Variants in TSNARE1 observed in about 807,000 individuals in gnomAD.
TSNARE1 encodes the protein t-SNARE domain-containing protein 1.
In TSNARE1, 49 loss-of-function variants were observed where a neutral mutation model predicts 62.0. That is an observed-to-expected ratio of 0.79 (90% CI 0.63 to 1.00). TSNARE1 has a LOEUF of 1.00. Among genes scored for constraint, TSNARE1 ranks in the 50% least tolerant of loss-of-function variants. The pLI, the probability that TSNARE1 is intolerant of heterozygous loss-of-function variation, is 0.00. For synonymous variants in TSNARE1, 328 were observed against 294.4 expected, an observed-to-expected ratio of 1.11 and a Z score of -1.17; for missense variants, 755 against 700.1, an observed-to-expected ratio of 1.08 and a Z score of -0.88.
rs28507643 is a variant in TSNARE1 at position 142,214,177 on chromosome 8, G to A, written c.*12-1864C>T. Among the ~76,000 whole-genome samples, 355 of 152,296 alleles carry A rather than the reference G, an allele frequency of 2.3e-3. 1 individual carries two copies. The highest frequency in any genetic ancestry group is 8.0e-3 in the African/African-American group (331 of 41,580). Reference sequence around the variant, plus strand: ...CAGGCGATGACGCTGGGTGCGGCCCGCCTGGCCCTGGGAACCCAGAAAGGA... The same window carrying A: ...CAGGCGATGACGCTGGGTGCGGCCCACCTGGCCCTGGGAACCCAGAAAGGA... On this transcript the variant is annotated intron_variant, in intron 13 of 13. Coordinates refer to ENST00000524325, the MANE Select transcript of TSNARE1 (RefSeq NM_145003.5).
intron 12 of TSNARE1, among the ~76,000 whole-genome samples, chr8:142,272,144 C>T (rs1819637009): frequency 7.9e-6 from 1 of 126,036 alleles, no homozygotes; most frequent in Non-Finnish European, 1.6e-5. Flanking sequence ...CCTCCTCTTC[C>T]TTCTATTCAT....
At chr8:142,399,482 T>A (rs1037571658) in intron 1 of TSNARE1, among the ~76,000 whole-genome samples, 2 of 152,160 alleles carry the variant, frequency 1.3e-5, no homozygotes, top group East Asian at 3.9e-4. Context: ...AATGATGATC[T>A]TCCCCAGCTG....
At chr8:142,269,783 G>A in intron 12 of TSNARE1, 1 of 985,428 alleles carries the variant, frequency 1.0e-6, no homozygotes, top group African/African-American at 1.7e-5. Context: ...AGAACCAACA[G>A]CAGCACCATG....
intron 1 of TSNARE1, among the ~76,000 whole-genome samples, chr8:142,401,724 C>G (rs1274176448): frequency 6.6e-6 from 1 of 152,120 alleles, no homozygotes; most frequent in Non-Finnish European, 1.5e-5. Context: ...GGTGACCCAG[C>G]CAAAACTCAA....
Position 142,280,737 on chromosome 8 carries a change from G to A in TSNARE1, c.1363+3676C>T, listed in dbSNP as rs548910403. Among the ~76,000 whole-genome samples, 8 of 152,290 alleles carry A rather than the reference G, an allele frequency of 5.3e-5. No homozygotes were observed. The South Asian group carries it at 1.2e-3, about 24-fold the overall frequency. On this transcript the variant is annotated intron_variant, in intron 11 of 13. Coordinates refer to ENST00000524325, the MANE Select transcript of TSNARE1 (RefSeq NM_145003.5). Reference sequence around the variant, plus strand: ...ACAGACTCAGCACATCCCAGCCCGCGACAGGTGGCCAGGGGCAGAAATGGC... The same window carrying A: ...ACAGACTCAGCACATCCCAGCCCGCAACAGGTGGCCAGGGGCAGAAATGGC...
At chr8:142,359,750 A>T (rs926248561) in intron 1 of TSNARE1, among the ~76,000 whole-genome samples, 1 of 152,130 alleles carries the variant, frequency 6.6e-6, no homozygotes, top group South Asian at 2.1e-4. Flanking sequence ...GTGAGGCAGG[A>T]CTTATAACCC....
intron 1 of TSNARE1, chr8:142,365,971 G>C (rs1379056655): frequency 2.3e-6 from 1 of 437,464 alleles, no homozygotes; most frequent in East Asian, 7.1e-5. Context: ...GTTTTGTAGA[G>C]GAATTTGGCT....
intron 2 of TSNARE1, among the ~76,000 whole-genome samples, chr8:142,349,104 CT>C (rs1833759663): frequency 1.3e-5 from 2 of 152,328 alleles, no homozygotes; most frequent in South Asian, 4.1e-4. Flanking sequence ...CTGAGCCAGG[CT>C]CGCCCCCATG....
intron 7 of TSNARE1, among the ~76,000 whole-genome samples, chr8:142,316,632 C>T (rs776300450): frequency 4.6e-5 from 7 of 151,778 alleles, no homozygotes; most frequent in Non-Finnish European, 2.9e-5. Context: ...AAGGGCCCTG[C>T]GCCTTGCCTG....
chr8:142,401,056 G>T (rs373491712), intron 1 of TSNARE1, among the ~76,000 whole-genome samples: 2 of 152,286 alleles, frequency 1.3e-5, no homozygotes, highest in South Asian at 2.1e-4. Flanking sequence ...TACAGCCATG[G>T]TCGAGGCATG....
At chr8:142,287,932 C>T (rs1586569571) in intron 10 of TSNARE1, among the ~76,000 whole-genome samples, 1 of 152,214 alleles carries the variant, frequency 6.6e-6, no homozygotes, top group South Asian at 2.1e-4. Context: ...CCCAGGACCT[C>T]GGTCAGATCT....
chr8:142,269,935 G>A, intron 12 of TSNARE1: 1 of 985,412 alleles, frequency 1.0e-6, no homozygotes, highest in Non-Finnish European at 1.2e-6. Context: ...CGAGGAAAAG[G>A]CCCCTCTCCC....
intron 12 of TSNARE1, among the ~76,000 whole-genome samples, chr8:142,238,806 C>T (rs550777346): frequency 6.6e-4 from 70 of 105,632 alleles, no homozygotes; most frequent in Non-Finnish European, 9.1e-4. Context: ...CCCACCCCTG[C>T]ACACCTGCCT....
intron 11 of TSNARE1, chr8:142,277,506 G>A (rs957720159): frequency 1.2e-5 from 12 of 985,334 alleles, no homozygotes; most frequent in East Asian, 2.3e-4. Context: ...AAGCATGGCC[G>A]GCTCGGGGCA....
chr8:142,254,473 G>A (rs1003365723), intron 12 of TSNARE1, among the ~76,000 whole-genome samples: 3 of 152,312 alleles, frequency 2.0e-5, no homozygotes, highest in Non-Finnish European at 4.4e-5. Context: ...GAAAGCGATG[G>A]GCCTTTAAGC....
chr8:142,358,724 C>A (rs1170622100), intron 1 of TSNARE1, among the ~76,000 whole-genome samples: 1 of 151,354 alleles, frequency 6.6e-6, no homozygotes, highest in East Asian at 1.9e-4. Context: ...CTATTCACGG[C>A]CCCGCCCAGC....
At chr8:142,228,512 T>C (rs1414455362) in intron 13 of TSNARE1, among the ~76,000 whole-genome samples, 1 of 152,160 alleles carries the variant, frequency 6.6e-6, no homozygotes, top group African/African-American at 2.4e-5. Flanking sequence ...TCCTCTCCTC[T>C]CCGGTCCGAA....
At chr8:142,331,955 A>AC (rs1368136056) in intron 4 of TSNARE1, 124 bp from the exon 5 acceptor site, 5 of 920,662 alleles carry the variant, frequency 5.4e-6, no homozygotes, top group South Asian at 4.3e-5. Flanking sequence ...GTGGCCCTGA[A>AC]CCCCCTCACT....
intron 13 of TSNARE1, among the ~76,000 whole-genome samples, chr8:142,219,067 A>G (rs539544420): frequency 8.5e-5 from 13 of 152,224 alleles, no homozygotes; most frequent in Admixed American, 8.5e-4. Context: ...CTGCGGTTAG[A>G]AAACAAAACT....
Sources: allele counts gnomAD v4.1 joint callset (sites outside exome capture counted in the v4.1 genomes callset), GRCh38; gene constraint gnomAD v4.1.1; transcripts MANE v1.5; gene names NCBI Gene and HGNC (gene_info 2026-07-23, HGNC 2026-07-21).